Variants in KCNH1 observed in about 807,000 individuals in gnomAD.
The protein encoded by KCNH1 is voltage-gated delayed rectifier potassium channel KCNH1.
KCNH1 carries 27 observed loss-of-function variants against 69.2 expected under a neutral mutation model. That is an observed-to-expected ratio of 0.39 (90% CI 0.29 to 0.54). The LOEUF (loss-of-function observed/expected upper bound fraction) is 0.54, where lower values mean the gene tolerates loss of function less well. KCNH1 is among the 20% of genes least tolerant of loss of function. The pLI is 0.68. For synonymous variants in KCNH1, 456 were observed against 487.7 expected, an observed-to-expected ratio of 0.93 and a Z score of 0.86; for missense variants, 798 against 1,261.6, an observed-to-expected ratio of 0.63 and a Z score of 5.57.
At position 211,122,102 on chromosome 1, in the gene KCNH1, C is replaced by A. The variant is rs969039886; in HGVS notation, c.79+11765G>T. On this transcript the variant is annotated intron_variant, in intron 1 of 10. Coordinates refer to ENST00000271751, the MANE Select transcript of KCNH1 (RefSeq NM_172362.3). ...GCAGTGAGCCAAGATCATGCCACTG[C>A]ACTCCAGCCTGGGCGACAGTGAGAC... is the stretch of plus-strand genomic sequence containing the variant. Among the ~76,000 whole-genome samples, 13 of 151,882 alleles carry A rather than the reference C, an allele frequency of 8.6e-5. 1 individual carries two copies. Among genetic ancestry groups the A allele is most frequent in the African/African-American group, 3.1e-4 (13 of 41,332 alleles).
intron 5 of KCNH1, among the ~76,000 whole-genome samples, chr1:211,043,448 T>C (rs985655733): frequency 2.6e-5 from 4 of 152,012 alleles, no homozygotes; most frequent in Admixed American, 6.6e-5. Flanking sequence ...AGCAGTGAGA[T>C]TGAAATGGTA....
rs17017064 is a variant in KCNH1 at position 210,940,702 on chromosome 1, G to A, written c.1033-20633C>T. ...TTTTCCTTCTAGAGGCCTGAAAACT[G>A]AAATCTTTTTCATTGGCCAAATAAA... On this transcript the variant is annotated intron_variant, in intron 6 of 10. Transcript: ENST00000271751. 3.3e-3 allele frequency among the ~76,000 whole-genome samples: 510 copies of A among 152,248 alleles called. 4 individuals carry two copies. Among genetic ancestry groups the A allele is most frequent in the East Asian group, 0.029 (151 of 5,180 alleles).
intron 5 of KCNH1, among the ~76,000 whole-genome samples, chr1:211,067,272 T>C (rs1397221708): frequency 1.3e-5 from 2 of 152,212 alleles, no homozygotes; most frequent in African/African-American, 2.4e-5. Flanking sequence ...TCAGATCCCC[T>C]TTTAAGAAGG....
At chr1:210,689,523 A>G (rs578018736) in intron 10 of KCNH1, among the ~76,000 whole-genome samples, 3 of 152,244 alleles carry the variant, frequency 2.0e-5, no homozygotes, top group Non-Finnish European at 4.4e-5. Flanking sequence ...ATAAAAATAC[A>G]TATGTAATGT....
intron 5 of KCNH1, among the ~76,000 whole-genome samples, chr1:211,071,212 C>G (rs370887405): frequency 6.6e-6 from 1 of 152,108 alleles, no homozygotes; most frequent in Non-Finnish European, 1.5e-5. Flanking sequence ...GGCAGGCAAC[C>G]GCAGCTGCAG....
At chr1:210,979,037 G>A (rs565684097) in intron 6 of KCNH1, among the ~76,000 whole-genome samples, 4 of 152,202 alleles carry the variant, frequency 2.6e-5, no homozygotes, top group South Asian at 2.1e-4. Context: ...CTGCAACCTC[G>A]GGCTTCTAGA....
chr1:210,931,371 C>G lies in KCNH1; in HGVS notation c.1033-11302G>C, dbSNP rs185775019. On this transcript the variant is annotated intron_variant, in intron 6 of 10. Coordinates refer to ENST00000271751, the MANE Select transcript of KCNH1 (RefSeq NM_172362.3). ...ATAAAATACTGGCATTCACAGCAAC[C>G]TGGATGGAATTGGAGACTATTATTC... 2.9e-3 allele frequency among the ~76,000 whole-genome samples: 441 copies of G among 152,220 alleles called. 4 individuals carry two copies. The highest frequency in any genetic ancestry group is 9.9e-3 in the African/African-American group (411 of 41,522).
chr1:210,709,458 C>G (rs1019714436), intron 10 of KCNH1, among the ~76,000 whole-genome samples: 7 of 152,134 alleles, frequency 4.6e-5, no homozygotes, highest in African/African-American at 1.7e-4. Context: ...GACTTCTAGC[C>G]TCCAGAACTG....
chr1:211,020,423 T>A (rs977306667), intron 5 of KCNH1, among the ~76,000 whole-genome samples: 1 of 151,320 alleles, frequency 6.6e-6, no homozygotes, highest in Non-Finnish European at 1.5e-5. Flanking sequence ...CCTACCAAGA[T>A]TGAAACAGGA....
intron 7 of KCNH1, among the ~76,000 whole-genome samples, chr1:210,906,980 G>GA (rs1321875000): frequency 1.3e-5 from 2 of 152,138 alleles, no homozygotes; most frequent in Non-Finnish European, 2.9e-5. Flanking sequence ...AGAAAAAATA[G>GA]AAAAATCAGA....
At chr1:211,067,401 A>G (rs1690551773) in intron 5 of KCNH1, among the ~76,000 whole-genome samples, 1 of 152,192 alleles carries the variant, frequency 6.6e-6, no homozygotes, top group Non-Finnish European at 1.5e-5. Flanking sequence ...GAAGGTGGCT[A>G]AGGGCCTGGT....
intron 7 of KCNH1, among the ~76,000 whole-genome samples, chr1:210,870,098 C>T (rs754883816): frequency 5.9e-5 from 9 of 152,132 alleles, no homozygotes; most frequent in Non-Finnish European, 1.3e-4. Context: ...TAGGTCTTAT[C>T]TCATTTGTTT....
chr1:211,128,827 A>G (rs1691829133), intron 1 of KCNH1, among the ~76,000 whole-genome samples: 1 of 152,234 alleles, frequency 6.6e-6, no homozygotes, highest in South Asian at 2.1e-4. Flanking sequence ...AATAAGTGGT[A>G]GCTATAAGAA....
intron 6 of KCNH1, among the ~76,000 whole-genome samples, chr1:210,976,128 T>C (rs944417746): frequency 3.3e-5 from 5 of 151,538 alleles, no homozygotes; most frequent in Admixed American, 6.6e-5. Flanking sequence ...TATGGAGAAA[T>C]AGGAACATTT....
chr1:210,819,875 C>A (rs114263650), intron 7 of KCNH1, among the ~76,000 whole-genome samples: 3 of 152,170 alleles, frequency 2.0e-5, no homozygotes, highest in African/African-American at 7.2e-5. Context: ...GCTTCTGAAT[C>A]GTTCTTCTGG....
intron 10 of KCNH1, among the ~76,000 whole-genome samples, chr1:210,753,516 T>G (rs1301632500): frequency 6.6e-6 from 1 of 152,174 alleles, no homozygotes; most frequent in Non-Finnish European, 1.5e-5. Flanking sequence ...CCTGGACACT[T>G]GTTCCTGGGC....
intron 10 of KCNH1, among the ~76,000 whole-genome samples, chr1:210,745,380 A>G (rs912574696): frequency 3.3e-5 from 5 of 152,140 alleles, no homozygotes; most frequent in Non-Finnish European, 5.9e-5. Flanking sequence ...GGATTCAACT[A>G]TTCTGCTCCA....
intron 1 of KCNH1, among the ~76,000 whole-genome samples, chr1:211,124,236 G>C (rs999063253): frequency 6.6e-6 from 1 of 152,168 alleles, no homozygotes; most frequent in African/African-American, 2.4e-5. Flanking sequence ...GAACTGAAAA[G>C]CAAGGGCAGG....
rs116206170 is a variant in KCNH1 at position 210,692,124 on chromosome 1, G to A, written c.2113-7986C>T. 2.8e-3 allele frequency among the ~76,000 whole-genome samples: 432 copies of A among 152,312 alleles called. 2 individuals carry two copies. Among genetic ancestry groups the A allele is most frequent in the African/African-American group, 9.8e-3 (408 of 41,576 alleles). On this transcript the variant is annotated intron_variant, in intron 10 of 10. Coordinates refer to ENST00000271751, the MANE Select transcript of KCNH1 (RefSeq NM_172362.3). ...TGCAGCATCTGCACTTTCTTCTGGC[G>A]TTAATCAAGAATGACTTGTCTGACC...
Sources: allele counts gnomAD v4.1 joint callset (sites outside exome capture counted in the v4.1 genomes callset), GRCh38; gene constraint gnomAD v4.1.1; transcripts MANE v1.5; gene names NCBI Gene and HGNC (gene_info 2026-07-23, HGNC 2026-07-21).